Variants in RAD51B observed in about 807,000 individuals in gnomAD.
The protein encoded by RAD51B is RAD51 paralog B, also known as DNA repair protein RAD51 homolog 2.
A neutral mutation model predicts 42.2 loss-of-function variants in RAD51B; 38 were observed. That is an observed-to-expected ratio of 0.90 (90% CI 0.70 to 1.18). The LOEUF (loss-of-function observed/expected upper bound fraction) is 1.18. RAD51B is among the 50% of genes most tolerant of loss of function. The pLI, the probability that RAD51B is intolerant of heterozygous loss-of-function variation, is 0.00. For missense variants in RAD51B, 373 were observed against 400.7 expected (o/e 0.93, Z 0.59); for synonymous variants, 154 against 145.2 (o/e 1.06, Z -0.43).
chr14:68,050,672 A>AT (rs779427134), intron 7 of RAD51B, among the ~76,000 whole-genome samples: 4 of 152,004 alleles, frequency 2.6e-5, no homozygotes, highest in East Asian at 1.9e-4. Context: ...TAAAATGCAG[A>AT]TTTTTTTTGG....
chr14:68,621,413 T>C (rs1891945392), intron 10 of RAD51B, among the ~76,000 whole-genome samples: 1 of 152,232 alleles, frequency 6.6e-6, no homozygotes, highest in African/African-American at 2.4e-5. Flanking sequence ...TTAAGTTCCT[T>C]TTTTCTCTCC....
chr14:67,854,055 C>A (rs2041906512), intron 4 of RAD51B, among the ~76,000 whole-genome samples: 1 of 152,214 alleles, frequency 6.6e-6, no homozygotes, highest in African/African-American at 2.4e-5. Context: ...CGGTAGCCTT[C>A]TCATATGAGA....
At chr14:68,549,588 G>A (rs1027837403) in intron 10 of RAD51B, among the ~76,000 whole-genome samples, 3 of 150,202 alleles carry the variant, frequency 2.0e-5, no homozygotes, top group Non-Finnish European at 4.4e-5. Flanking sequence ...GCTAATTTTT[G>A]TATTTTTAGT....
At chr14:67,980,022 G>A (rs958327930) in intron 7 of RAD51B, among the ~76,000 whole-genome samples, 8 of 152,098 alleles carry the variant, frequency 5.3e-5, no homozygotes, top group African/African-American at 1.9e-4. Flanking sequence ...TTATTGCTTA[G>A]CTTTTAGAAT....
chr14:68,231,802 CA>C (rs1261867645), intron 7 of RAD51B, among the ~76,000 whole-genome samples: 2 of 152,062 alleles, frequency 1.3e-5, no homozygotes, highest in African/African-American at 4.8e-5. Flanking sequence ...AAAAATTATA[CA>C]GGGAAAATAA....
intron 7 of RAD51B, among the ~76,000 whole-genome samples, chr14:68,254,004 T>C (rs771180632): frequency 6.6e-6 from 1 of 152,246 alleles, no homozygotes. Context: ...GATCTTATCT[T>C]GATGTGCAGT....
intron 4 of RAD51B, among the ~76,000 whole-genome samples, chr14:67,862,308 A>G (rs1273146690): frequency 1.3e-5 from 2 of 152,078 alleles, no homozygotes; most frequent in Non-Finnish European, 2.9e-5. Context: ...CCCATGATAC[A>G]TATCTGGTGG....
At chr14:68,497,053 G>A (rs1192144259) in intron 10 of RAD51B, 1 of 1,291,924 alleles carries the variant, frequency 7.7e-7, no homozygotes, top group African/African-American at 1.5e-5. Flanking sequence ...TTTAGCCTCA[G>A]TAGGCTTTAT....
At chr14:68,114,304 T>C (rs974905295) in intron 7 of RAD51B, among the ~76,000 whole-genome samples, 36 of 152,180 alleles carry the variant, frequency 2.4e-4, no homozygotes, top group African/African-American at 8.2e-4. Flanking sequence ...TATATTAAGG[T>C]GAAGTTGGAT....
chr14:68,259,307 A>AG (rs2080826347), intron 7 of RAD51B, among the ~76,000 whole-genome samples: 1 of 43,522 alleles, frequency 2.3e-5, no homozygotes, highest in Admixed American at 3.2e-4. Flanking sequence ...GTTGTGGGGT[A>AG]GGGGGAGGGG....
At chr14:68,509,575 AAGG>A (rs1462983870) in intron 10 of RAD51B, among the ~76,000 whole-genome samples, 1 of 152,236 alleles carries the variant, frequency 6.6e-6, no homozygotes, top group Non-Finnish European at 1.5e-5. Flanking sequence ...GTTTGGAAGG[AAGG>A]AACCTAGACT....
At chr14:68,547,277 C>T (rs980402657) in intron 10 of RAD51B, among the ~76,000 whole-genome samples, 1 of 152,230 alleles carries the variant, frequency 6.6e-6, no homozygotes, top group African/African-American at 2.4e-5. Flanking sequence ...CGGGATTAAC[C>T]TCCTTTCTCA....
chr14:68,023,143 A>G lies in RAD51B; in HGVS notation c.756+135939A>G, dbSNP rs140684935. On this transcript the variant is annotated intron_variant, in intron 7 of 10. Transcript: ENST00000471583. ...ACATGTGCATTTGTCTTTATGGTAG[A>G]ATGATTTATATTCTTTTGGGTATAT... is the stretch of plus-strand genomic sequence containing the variant. 1.7e-3 allele frequency among the ~76,000 whole-genome samples: 264 copies of G among 152,284 alleles called. 3 individuals are homozygous for G. The highest frequency in any genetic ancestry group is 2.6e-3 in the Non-Finnish European group (176 of 68,020).
At chr14:68,315,445 C>T (rs113185652) in intron 8 of RAD51B, among the ~76,000 whole-genome samples, 116 of 152,314 alleles carry the variant, frequency 7.6e-4, no homozygotes, top group African/African-American at 2.5e-3. Context: ...ACATCATCAT[C>T]ATTTTAGTAT....
At chr14:68,187,293 G>C (rs888648772) in intron 7 of RAD51B, among the ~76,000 whole-genome samples, 1 of 151,974 alleles carries the variant, frequency 6.6e-6, no homozygotes, top group Non-Finnish European at 1.5e-5. Context: ...CATTCATACC[G>C]CAAACCTCAG....
intron 4 of RAD51B, among the ~76,000 whole-genome samples, chr14:67,856,358 C>CTT (rs113667680): frequency 1.4e-5 from 2 of 146,592 alleles, no homozygotes; most frequent in South Asian, 4.3e-4. Flanking sequence ...TTCTGAGATT[C>CTT]TTTTTTTTTT....
chr14:68,579,805 C>G (rs1053873857), intron 10 of RAD51B, among the ~76,000 whole-genome samples: 2 of 152,304 alleles, frequency 1.3e-5, no homozygotes, highest in Non-Finnish European at 2.9e-5. Flanking sequence ...TCAGAGTGTC[C>G]AGGAAAGAAA....
chr14:68,088,656 T>TG (rs1000447188), intron 7 of RAD51B, among the ~76,000 whole-genome samples: 4 of 57,230 alleles, frequency 7.0e-5, no homozygotes, highest in East Asian at 5.6e-4. Flanking sequence ...GAGAGAGAGG[T>TG]GGGGGGGAGA....
chr14:68,453,345 A>T (rs966185484), intron 9 of RAD51B, among the ~76,000 whole-genome samples: 5 of 152,242 alleles, frequency 3.3e-5, no homozygotes, highest in Admixed American at 1.3e-4. Context: ...CAAGATTGGC[A>T]AGAAAGAACA....
Sources: allele counts gnomAD v4.1 joint callset (sites outside exome capture counted in the v4.1 genomes callset), GRCh38; gene constraint gnomAD v4.1.1; transcripts MANE v1.5; gene names NCBI Gene and HGNC (gene_info 2026-07-23, HGNC 2026-07-21).